Variants in KIRREL3 observed in about 807,000 individuals in gnomAD.
The protein encoded by KIRREL3 is kirre like nephrin family adhesion molecule 3.
In KIRREL3, 36 loss-of-function variants were observed where a neutral mutation model predicts 89.7. That is an observed-to-expected ratio of 0.40 (90% CI 0.31 to 0.53). KIRREL3 has a LOEUF of 0.53. Ranked by LOEUF, KIRREL3 falls within the 20% of genes least tolerant of loss-of-function variation. KIRREL3 has a pLI of 0.49. For synonymous variants in KIRREL3, 445 were observed against 441.4 expected (o/e 1.01, Z -0.10); for missense variants, 864 against 1,056.6 (o/e 0.82, Z 2.53).
intron 1 of KIRREL3, among the ~76,000 whole-genome samples, chr11:126,854,448 C>T (rs1030073401): frequency 5.9e-5 from 9 of 152,270 alleles, no homozygotes; most frequent in South Asian, 2.1e-4. Flanking sequence ...AACTACTCCA[C>T]GGACATCATA....
At chr11:126,536,604 C>T (rs896786542) in intron 2 of KIRREL3, among the ~76,000 whole-genome samples, 5 of 137,274 alleles carry the variant, frequency 3.6e-5, no homozygotes, top group East Asian at 2.2e-4. Context: ...GATGTGGGAT[C>T]GGGGGTGCTG....
intron 1 of KIRREL3, among the ~76,000 whole-genome samples, chr11:126,833,142 T>C (rs1322313566): frequency 1.3e-5 from 2 of 152,160 alleles, no homozygotes; most frequent in East Asian, 3.9e-4. Context: ...CAAACAGAAG[T>C]GATTTGTTAC....
Position 126,622,988 on chromosome 11 carries a change from C to T in KIRREL3, c.56-60076G>A, listed in dbSNP as rs757129544. 1.1e-4 allele frequency among the ~76,000 whole-genome samples: 17 copies of T among 152,032 alleles called. No homozygotes were observed. The highest frequency in any genetic ancestry group is 3.4e-4 in the African/African-American group (14 of 41,394). The stretch of plus-strand genomic sequence containing the variant: ...GTCACACAGCTAGAGAGTGGTAGAC[C>T]GAGAATTCAAACCCAGGCAATCTGA... On this transcript the variant is annotated intron_variant, in intron 1 of 16. Coordinates refer to ENST00000525144, the MANE Select transcript of KIRREL3 (RefSeq NM_032531.4). The surrounding 1 kb of genome is among the most constrained non-coding windows in gnomAD (Gnocchi z 5.2).
chr11:126,934,116 T>C (rs1019336680), intron 1 of KIRREL3, among the ~76,000 whole-genome samples: 3 of 152,072 alleles, frequency 2.0e-5, no homozygotes, highest in African/African-American at 7.2e-5. Flanking sequence ...ACTATAGACA[T>C]ATGGACATAT....
Position 126,459,901 on chromosome 11 carries a change from A to G in KIRREL3, c.742+3256T>C, listed in dbSNP as rs769824376. ...GTTAAGCTTTCTCTCCCATTACTCAATCTGAGGGCTTTGTCTTCCGTTGGG... is the reference window on the plus strand; with the variant it reads ...GTTAAGCTTTCTCTCCCATTACTCAGTCTGAGGGCTTTGTCTTCCGTTGGG... On this transcript the variant is annotated intron_variant, in intron 6 of 16. Transcript: ENST00000525144. The surrounding 1 kb of genome is among the most constrained non-coding windows in gnomAD (Gnocchi z 4.8). Among the ~76,000 whole-genome samples the G allele has an allele frequency of 6.6e-5, 10 of 152,194 alleles. No individual in the cohort carries two copies. The highest frequency in any genetic ancestry group is 1.3e-4 in the Non-Finnish European group (9 of 68,040).
At chr11:126,721,427 G>A (rs1292331028) in intron 1 of KIRREL3, among the ~76,000 whole-genome samples, 1 of 151,988 alleles carries the variant, frequency 6.6e-6, no homozygotes, top group Non-Finnish European at 1.5e-5. Flanking sequence ...CTACTCGGGA[G>A]GCTGAGGCAG....
At chr11:126,692,123 A>G (rs940084271) in intron 1 of KIRREL3, among the ~76,000 whole-genome samples, 2 of 152,228 alleles carry the variant, frequency 1.3e-5, no homozygotes, top group Non-Finnish European at 2.9e-5. Flanking sequence ...GTTCCTTAAA[A>G]AATTAAAAAT....
intron 1 of KIRREL3, among the ~76,000 whole-genome samples, chr11:126,852,628 G>C (rs949857925): frequency 6.6e-6 from 1 of 152,162 alleles, no homozygotes; most frequent in Admixed American, 6.5e-5. Flanking sequence ...ATCATGATGA[G>C]GTGAGCAAAG....
chr11:126,939,071 C>T (rs1948325659), intron 1 of KIRREL3, among the ~76,000 whole-genome samples: 1 of 152,140 alleles, frequency 6.6e-6, no homozygotes, highest in Non-Finnish European at 1.5e-5. Flanking sequence ...CGCAGTGATG[C>T]CTGTTGTTAT....
chr11:126,792,438 C>A (rs962856167), intron 1 of KIRREL3, among the ~76,000 whole-genome samples: 1 of 152,186 alleles, frequency 6.6e-6, no homozygotes. Flanking sequence ...AGCAATAGAG[C>A]CTAGGCTGAA....
In KIRREL3 at chr11:126,946,485, A is replaced by G. The variant is rs1324855360; in HGVS notation, c.55+53970T>C. ...AAAAAGGACTAATACAAATGCCCATAAAATCTACAGACTAGACTAGATGTT... is the reference window on the plus strand; with the variant it reads ...AAAAAGGACTAATACAAATGCCCATGAAATCTACAGACTAGACTAGATGTT... On this transcript the variant is annotated intron_variant, in intron 1 of 16. Coordinates refer to ENST00000525144, the MANE Select transcript of KIRREL3 (RefSeq NM_032531.4). The surrounding 1 kb of genome is among the most constrained non-coding windows in gnomAD (Gnocchi z 4.1). Among the ~76,000 whole-genome samples, 1 of 152,254 alleles carries G rather than the reference A, an allele frequency of 6.6e-6. No homozygotes were observed. Among genetic ancestry groups the G allele is most frequent in the African/African-American group, 2.4e-5 (1 of 41,474 alleles).
chr11:126,677,966 C>T lies in KIRREL3; in HGVS notation c.56-115054G>A, dbSNP rs115864042. On this transcript the variant is annotated intron_variant, in intron 1 of 16. Transcript: ENST00000525144. This position sits in a 1 kb window ranked among gnomAD's most constrained non-coding sequence, Gnocchi z 5.1. ...GGCCCTGGGACCCAGAGACACACCCCGTCCCCAGGCTCCAGCTTCATGGAG... is the reference window on the plus strand; with the variant it reads ...GGCCCTGGGACCCAGAGACACACCCTGTCCCCAGGCTCCAGCTTCATGGAG... 4.3e-3 allele frequency among the ~76,000 whole-genome samples: 650 copies of T among 152,240 alleles called. 3 individuals are homozygous for T. Among genetic ancestry groups the T allele is most frequent in the African/African-American group, 0.015 (623 of 41,532 alleles).
At position 126,954,448 on chromosome 11, in the gene KIRREL3, G is replaced by T. The variant is rs542286680; in HGVS notation, c.55+46007C>A. On this transcript the variant is annotated intron_variant, in intron 1 of 16. Coordinates refer to ENST00000525144, the MANE Select transcript of KIRREL3 (RefSeq NM_032531.4). This position sits in a 1 kb window ranked among gnomAD's most constrained non-coding sequence, Gnocchi z 4.1. ...GGATCTGTAAATTACAAATCATCTG[G>T]GCCCTCAGAAATGCTTAATTATGCC... Among the ~76,000 whole-genome samples, 1 of 151,954 alleles carries T rather than the reference G, an allele frequency of 6.6e-6. No individual in the cohort carries two copies. Among genetic ancestry groups the T allele is most frequent in the African/African-American group, 2.4e-5 (1 of 41,434 alleles).
At chr11:126,456,241 C>G in intron 7 of KIRREL3, 108 bp downstream of exon 7, 1 of 724,704 alleles carries the variant, frequency 1.4e-6, no homozygotes, top group Non-Finnish European at 2.4e-6. Context: ...GCGGTGTGGA[C>G]TAGGCACACA....
chr11:126,738,703 C>T (rs1390812135), intron 1 of KIRREL3, among the ~76,000 whole-genome samples: 1 of 152,176 alleles, frequency 6.6e-6, no homozygotes, highest in African/African-American at 2.4e-5. Context: ...CCAGAAATGT[C>T]CTTTTGTGTT....
rs1649103 is a variant in KIRREL3, at chr11:126,606,405, C to T, written c.56-43493G>A. ...GGGAAATAATACCTAACTCATGGAG[C>T]TGTGAGGAGTGAGCAGATTATGACA... On this transcript the variant is annotated intron_variant, in intron 1 of 16. Coordinates refer to ENST00000525144, the MANE Select transcript of KIRREL3 (RefSeq NM_032531.4). The surrounding 1 kb of genome is among the most constrained non-coding windows in gnomAD (Gnocchi z 4.6). 0.95 allele frequency among the ~76,000 whole-genome samples: 145,154 copies of T among 152,154 alleles called. 69,502 individuals are homozygous for T. Among genetic ancestry groups the T allele is most frequent in the East Asian group, 1 (5,166 of 5,166 alleles).
intron 1 of KIRREL3, among the ~76,000 whole-genome samples, chr11:126,920,722 T>C (rs887944660): frequency 3.3e-5 from 5 of 152,132 alleles, no homozygotes; most frequent in African/African-American, 9.7e-5. Context: ...ATCACTTTTT[T>C]CCCCAACCAG....
At position 126,571,746 on chromosome 11, in the gene KIRREL3, C is replaced by T. The variant is rs867602088; in HGVS notation, c.56-8834G>A. On this transcript the variant is annotated intron_variant, in intron 1 of 16. Transcript: ENST00000525144. The surrounding 1 kb of genome is among the most constrained non-coding windows in gnomAD (Gnocchi z 7.7). ...GATTCTTTGGACTTCCAGTATAATC[C>T]GTTTGTGAGAGGGGTGGGGCGGGGG... Among the ~76,000 whole-genome samples, 10 of 150,726 alleles carry T rather than the reference C, an allele frequency of 6.6e-5. No homozygotes were observed. Among genetic ancestry groups the T allele is most frequent in the Non-Finnish European group, 1.0e-4 (7 of 67,830 alleles).
Position 126,814,879 on chromosome 11 carries a change from C to T in KIRREL3, c.55+185576G>A, listed in dbSNP as rs182861802. 5.7e-4 allele frequency among the ~76,000 whole-genome samples: 86 copies of T among 152,158 alleles called. No individual in the cohort carries two copies. Among genetic ancestry groups the T allele is most frequent in the African/African-American group, 2.0e-3 (81 of 41,500 alleles). On this transcript the variant is annotated intron_variant, in intron 1 of 16. Transcript: ENST00000525144. This position sits in a 1 kb window ranked among gnomAD's most constrained non-coding sequence, Gnocchi z 4.4. ...CGGTGCAGCGAACCACCATGGCACA[C>T]GTATCTATGTAACAAACCTGCACAT... is the stretch of plus-strand genomic sequence containing the variant.
Sources: allele counts gnomAD v4.1 joint callset (sites outside exome capture counted in the v4.1 genomes callset), GRCh38; gene constraint gnomAD v4.1.1; non-coding constraint Gnocchi (gnomAD v3.1); transcripts MANE v1.5; gene names NCBI Gene and HGNC (gene_info 2026-07-23, HGNC 2026-07-21).